NRXN3: variants seen among roughly 807,000 people sequenced by gnomAD.
NRXN3 encodes the protein neurexin 3, also known as neurexin III.
A neutral mutation model predicts 137.6 loss-of-function variants in NRXN3; 32 were observed. That is an observed-to-expected ratio of 0.23 (90% CI 0.18 to 0.31). The LOEUF (loss-of-function observed/expected upper bound fraction) is 0.31, where lower values mean the gene tolerates loss of function less well. Ranked by LOEUF, NRXN3 falls within the 10% of genes least tolerant of loss-of-function variation. The pLI is 1.00. For synonymous variants in NRXN3, 798 were observed against 784.5 expected (o/e 1.02, Z -0.29); for missense variants, 1,574 against 2,062.5 (o/e 0.76, Z 4.59).
At chr14:78,932,937 C>A (rs2099326417) in intron 10 of NRXN3, among the ~76,000 whole-genome samples, 2 of 152,160 alleles carry the variant, frequency 1.3e-5, no homozygotes, top group Admixed American at 1.3e-4. Flanking sequence ...AATATGACAT[C>A]CCAACACACA....
At chr14:78,310,282 T>TA in intron 4 of NRXN3, among the ~76,000 whole-genome samples, 2 of 123,968 alleles carry the variant, frequency 1.6e-5, no homozygotes, top group South Asian at 2.6e-4. Context: ...TTTTTTTTTT[T>TA]CCAGACAGTG....
At chr14:78,313,631 G>T (rs1311243867) in intron 4 of NRXN3, among the ~76,000 whole-genome samples, 1 of 152,106 alleles carries the variant, frequency 6.6e-6, no homozygotes. Context: ...AAGATAAACT[G>T]AGCTTTGTCT....
At chr14:79,168,087 C>G (rs2061442255) in intron 15 of NRXN3, among the ~76,000 whole-genome samples, 2 of 152,010 alleles carry the variant, frequency 1.3e-5, no homozygotes, top group South Asian at 4.1e-4. Flanking sequence ...TTGTGAGTCT[C>G]TGACTGTAAG....
At chr14:78,812,576 A>G (rs1444042795) in intron 10 of NRXN3, among the ~76,000 whole-genome samples, 2 of 152,200 alleles carry the variant, frequency 1.3e-5, no homozygotes, top group African/African-American at 2.4e-5. Context: ...AGCCACGGAA[A>G]GTCATCATAA....
intron 4 of NRXN3, among the ~76,000 whole-genome samples, chr14:78,503,722 C>T (rs933470394): frequency 6.6e-6 from 1 of 152,042 alleles, no homozygotes; most frequent in Non-Finnish European, 1.5e-5. Flanking sequence ...CAAGGCTAAG[C>T]CTGAAGGTGG....
At chr14:79,485,084 C>T (rs763579605) in intron 16 of NRXN3, among the ~76,000 whole-genome samples, 19 of 151,940 alleles carry the variant, frequency 1.3e-4, no homozygotes, top group Non-Finnish European at 2.4e-4. Context: ...ATTGATGTGT[C>T]GTGATTTTTT....
chr14:78,222,913 A>G (rs1193323231), intron 1 of NRXN3, among the ~76,000 whole-genome samples: 4 of 152,248 alleles, frequency 2.6e-5, no homozygotes, highest in East Asian at 1.9e-4. Flanking sequence ...TAGGTGCTCA[A>G]TAAATACATT....
At chr14:78,523,816 C>CA (rs56083130) in intron 4 of NRXN3, among the ~76,000 whole-genome samples, 8,994 of 61,336 alleles carry the variant, frequency 0.15, 2,066 homozygotes, top group African/African-American at 0.28. Context: ...GACTCTGTCT[C>CA]AAAAAAAAAA....
intron 16 of NRXN3, among the ~76,000 whole-genome samples, chr14:79,552,622 AG>A: frequency 6.6e-6 from 1 of 152,226 alleles, no homozygotes; most frequent in Admixed American, 6.5e-5. Flanking sequence ...CATAGGGGAG[AG>A]GGAAATGGGG....
chr14:79,786,289 A>G (rs2099129160), intron 19 of NRXN3, among the ~76,000 whole-genome samples: 2 of 152,208 alleles, frequency 1.3e-5, no homozygotes, highest in African/African-American at 4.8e-5. Context: ...CAATTTGGCT[A>G]CAAAAGTTAA....
At chr14:79,433,578 T>C (rs149802852) in intron 15 of NRXN3, among the ~76,000 whole-genome samples, 152 of 152,040 alleles carry the variant, frequency 1.0e-3, no homozygotes, top group African/African-American at 3.6e-3. Flanking sequence ...GTATTCCAGA[T>C]GAAAAAGAAA....
intron 15 of NRXN3, chr14:79,279,376 C>T: frequency 1.0e-6 from 1 of 986,246 alleles, no homozygotes; most frequent in Non-Finnish European, 1.2e-6. Flanking sequence ...CTCCCCAACT[C>T]CTCGCTTCAC....
At chr14:78,499,982 G>A (rs182235758) in intron 4 of NRXN3, among the ~76,000 whole-genome samples, 10 of 152,274 alleles carry the variant, frequency 6.6e-5, no homozygotes, top group African/African-American at 2.2e-4. Flanking sequence ...TTACACACAA[G>A]TCACAAGTTC....
chr14:79,457,264 A>G (rs541890547), intron 15 of NRXN3, among the ~76,000 whole-genome samples: 1 of 152,310 alleles, frequency 6.6e-6, no homozygotes, highest in South Asian at 2.1e-4. Flanking sequence ...CCGATAGAAT[A>G]ATGAAAGTCT....
chr14:78,752,825 G>A (rs2098649464), intron 8 of NRXN3, among the ~76,000 whole-genome samples: 1 of 152,166 alleles, frequency 6.6e-6, no homozygotes, highest in East Asian at 1.9e-4. Flanking sequence ...GCAGGGGGTT[G>A]TAAGCCTGGT....
At position 78,990,453 on chromosome 14, in the gene NRXN3, C is replaced by A. The variant is rs570196148; in HGVS notation, c.3262+2312C>A. Among the ~76,000 whole-genome samples, 436 of 140,406 alleles carry A rather than the reference C, an allele frequency of 3.1e-3. 1 individual carries two copies. The highest frequency in any genetic ancestry group is 0.011 in the African/African-American group (420 of 37,466). 92.1% of individuals were successfully genotyped at this position (140,406 alleles called of 152,430 possible). A position where few individuals can be genotyped will look rare whatever the true frequency, so the allele number is the denominator to read the frequency against. The stretch of plus-strand genomic sequence containing the variant: ...GTGGCACAATCTCGGCTCACTGCAA[C>A]CTCCACCTCCCAGGTTCAAGCGATT... On this transcript the variant is annotated intron_variant, in intron 15 of 20. Transcript: ENST00000335750.
At chr14:78,532,979 G>A (rs1259470665) in intron 4 of NRXN3, among the ~76,000 whole-genome samples, 5 of 151,450 alleles carry the variant, frequency 3.3e-5, no homozygotes, top group Admixed American at 1.3e-4. Flanking sequence ...TTCCTCAACA[G>A]CTCTCAATTT....
rs760974852 is a variant in NRXN3, at chr14:79,231,729, A to G, written c.3263-235492A>G. Among the ~76,000 whole-genome samples, 9 of 152,188 alleles carry G rather than the reference A, an allele frequency of 5.9e-5. No individual in the cohort carries two copies. In the South Asian group the frequency reaches 6.2e-4, roughly 10 times the overall value. On this transcript the variant is annotated intron_variant, in intron 15 of 20. Transcript: ENST00000335750. The stretch of plus-strand genomic sequence containing the variant: ...CATCTCAATTTTGTCACTTATTACC[A>G]GTTGTTTAGCTTGTCTTAGAAACAT...
chr14:79,663,230 ATGTGTGTGTGTGTACGCGTGTG>A (rs1567815565), intron 16 of NRXN3, among the ~76,000 whole-genome samples: 2 of 150,428 alleles, frequency 1.3e-5, no homozygotes, highest in Non-Finnish European at 3.0e-5. Context: ...CATTATGTGC[ATGTGTGTGTGTGTACGCGTGTG>A]TGTGTGTGTG....
Sources: allele counts gnomAD v4.1 joint callset (sites outside exome capture counted in the v4.1 genomes callset), GRCh38; gene constraint gnomAD v4.1.1; transcripts MANE v1.5; gene names NCBI Gene and HGNC (gene_info 2026-07-23, HGNC 2026-07-21).